NRXN3: variants seen among roughly 807,000 people sequenced by gnomAD.
NRXN3 encodes the protein neurexin 3, also known as neurexin III.
In NRXN3, 32 loss-of-function variants were observed where a neutral mutation model predicts 137.6. That is an observed-to-expected ratio of 0.23 (90% CI 0.18 to 0.31). The LOEUF is 0.31. Ranked by LOEUF, NRXN3 falls within the 10% of genes least tolerant of loss-of-function variation. The pLI, the probability that NRXN3 is intolerant of heterozygous loss-of-function variation, is 1.00. For synonymous variants in NRXN3, 798 were observed against 784.5 expected, an observed-to-expected ratio of 1.02 and a Z score of -0.29; for missense variants, 1,574 against 2,062.5, an observed-to-expected ratio of 0.76 and a Z score of 4.59.
chr14:79,410,326 C>G (rs887454189), intron 15 of NRXN3, among the ~76,000 whole-genome samples: 1 of 152,080 alleles, frequency 6.6e-6, no homozygotes, highest in Non-Finnish European at 1.5e-5. Flanking sequence ...TGAGTTCTTT[C>G]TGGCACCAAA....
chr14:79,453,981 G>A (rs2096218636), intron 15 of NRXN3, among the ~76,000 whole-genome samples: 1 of 151,984 alleles, frequency 6.6e-6, no homozygotes, highest in Non-Finnish European at 1.5e-5. Context: ...CTTCTCTACT[G>A]CAGACAAAGT....
At chr14:79,206,776 ATTAATC>A (rs1292964812) in intron 15 of NRXN3, among the ~76,000 whole-genome samples, 7 of 152,066 alleles carry the variant, frequency 4.6e-5, no homozygotes, top group Admixed American at 1.3e-4. Context: ...TCAATTTTTA[ATTAATC>A]TTAATAGGCA....
chr14:79,754,302 T>A (rs756924500), intron 19 of NRXN3, among the ~76,000 whole-genome samples: 3 of 151,652 alleles, frequency 2.0e-5, no homozygotes, highest in East Asian at 1.9e-4. Context: ...TGAGATTGCA[T>A]CACTTCACTC....
At chr14:78,659,698 T>A (rs1158569258) in intron 6 of NRXN3, among the ~76,000 whole-genome samples, 4 of 146,668 alleles carry the variant, frequency 2.7e-5, no homozygotes, top group Non-Finnish European at 4.4e-5. Flanking sequence ...AAACTGCCAT[T>A]TTTTGTGTGT....
chr14:79,696,026 G>C (rs1267848816), intron 18 of NRXN3, among the ~76,000 whole-genome samples: 1 of 151,944 alleles, frequency 6.6e-6, no homozygotes, highest in East Asian at 1.9e-4. Context: ...CTTGATTAAT[G>C]GGCACTATGA....
chr14:78,635,309 A>G (rs2097557937), intron 4 of NRXN3, among the ~76,000 whole-genome samples: 1 of 152,206 alleles, frequency 6.6e-6, no homozygotes, highest in South Asian at 2.1e-4. Context: ...AAAAATTCAT[A>G]CTTATTGCTT....
intron 10 of NRXN3, among the ~76,000 whole-genome samples, chr14:78,886,196 A>ATC (rs376705235): frequency 3.2e-4 from 48 of 152,136 alleles, no homozygotes; most frequent in African/African-American, 1.1e-3. Context: ...ACAGTAAATG[A>ATC]TCTGTGTCAT....
intron 16 of NRXN3, among the ~76,000 whole-genome samples, chr14:79,501,026 A>G (rs1234754435): frequency 5.9e-5 from 9 of 152,126 alleles, no homozygotes; most frequent in African/African-American, 2.2e-4. Flanking sequence ...CATTAGACCA[A>G]CTGTGGCACC....
At chr14:79,624,267 A>G (rs2098257463) in intron 16 of NRXN3, among the ~76,000 whole-genome samples, 1 of 152,202 alleles carries the variant, frequency 6.6e-6, no homozygotes, top group African/African-American at 2.4e-5. Flanking sequence ...TAAGCATATT[A>G]TCAGTTCCAT....
chr14:79,073,497 A>G (rs2099691063), intron 15 of NRXN3, among the ~76,000 whole-genome samples: 1 of 152,170 alleles, frequency 6.6e-6, no homozygotes, highest in Non-Finnish European at 1.5e-5. Context: ...CTTGATGTGA[A>G]TAAAATCAAT....
intron 15 of NRXN3, among the ~76,000 whole-genome samples, chr14:79,301,490 A>G (rs777460296): frequency 6.6e-5 from 10 of 152,110 alleles, no homozygotes; most frequent in Middle Eastern, 3.4e-3. Flanking sequence ...GAGACCTGTC[A>G]TCTCGGTAGT....
At chr14:79,768,776 T>C (rs965391093) in intron 19 of NRXN3, among the ~76,000 whole-genome samples, 5 of 152,196 alleles carry the variant, frequency 3.3e-5, no homozygotes, top group Non-Finnish European at 7.3e-5. Flanking sequence ...GGACAGAGAA[T>C]GACTTTGACG....
chr14:79,475,130 A>G (rs866311486), intron 16 of NRXN3, among the ~76,000 whole-genome samples: 1 of 152,252 alleles, frequency 6.6e-6, no homozygotes, highest in Middle Eastern at 3.4e-3. Context: ...TACACTGGAA[A>G]CCTAAAACCA....
chr14:79,416,965 T>G (rs1009513234), intron 15 of NRXN3, among the ~76,000 whole-genome samples: 1 of 152,156 alleles, frequency 6.6e-6, no homozygotes. Context: ...AAAGAATATT[T>G]CTATAATATT....
At chr14:79,423,429 C>T (rs576806528) in intron 15 of NRXN3, among the ~76,000 whole-genome samples, 1 of 152,106 alleles carries the variant, frequency 6.6e-6, no homozygotes, top group Non-Finnish European at 1.5e-5. Context: ...ATACTTGAGA[C>T]TAATTAACAA....
At chr14:78,742,293 T>C (rs1317142412) in intron 8 of NRXN3, among the ~76,000 whole-genome samples, 2 of 152,190 alleles carry the variant, frequency 1.3e-5, no homozygotes, top group African/African-American at 2.4e-5. Context: ...AAGACAGTCA[T>C]ATGGCAGTCA....
intron 10 of NRXN3, among the ~76,000 whole-genome samples, chr14:78,902,213 G>T (rs544954011): frequency 5.8e-4 from 89 of 152,176 alleles, no homozygotes; most frequent in African/African-American, 1.9e-3. Context: ...TCACATCCGA[G>T]CGCCCCCTGA....
intron 15 of NRXN3, among the ~76,000 whole-genome samples, chr14:79,447,109 G>A (rs1386965996): frequency 6.6e-6 from 1 of 152,214 alleles, no homozygotes; most frequent in Non-Finnish European, 1.5e-5. Flanking sequence ...GTTAGACATT[G>A]TGGAGAAATA....
intron 15 of NRXN3, among the ~76,000 whole-genome samples, chr14:79,092,481 G>A (rs893974092): frequency 1.7e-4 from 26 of 152,046 alleles, no homozygotes; most frequent in South Asian, 8.3e-4. Context: ...AAACAGGAAC[G>A]TGCATGCACA....
Sources: gnomAD v4.1 joint callset for allele counts (sites outside exome capture counted in the v4.1 genomes callset) on GRCh38, gnomAD v4.1.1 for gene constraint, MANE v1.5 for transcripts, NCBI Gene and HGNC (gene_info 2026-07-23, HGNC 2026-07-21) for gene names.